RHOH: variants seen among roughly 807,000 people sequenced by gnomAD.
RHOH encodes rho-related GTP-binding protein RhoH.
A neutral mutation model predicts 13.8 loss-of-function variants in RHOH; 6 were observed. The ratio of observed to expected loss-of-function variants is 0.44; its 90% CI spans 0.24 to 0.86. The LOEUF is 0.86. RHOH is among the 40% of genes least tolerant of loss of function. The pLI is 0.24. For missense variants in RHOH, 147 were observed against 244.5 expected, an observed-to-expected ratio of 0.60 and a Z score of 2.66; for synonymous variants, 117 against 103.0, an observed-to-expected ratio of 1.14 and a Z score of -0.82.
intron 1 of RHOH, among the ~76,000 whole-genome samples, chr4:40,226,898 C>T (rs937066924): frequency 6.6e-6 from 1 of 152,150 alleles, no homozygotes; most frequent in Non-Finnish European, 1.5e-5. Flanking sequence ...GTGGCTCACG[C>T]CTGTAATCTC....
chr4:40,241,771 T>A, intron 1 of RHOH, among the ~76,000 whole-genome samples: 1 of 152,052 alleles, frequency 6.6e-6, no homozygotes. Context: ...ACACATGTAG[T>A]CCCAGCTACT....
At chr4:40,201,526 TA>T (rs1723984707) in intron 1 of RHOH, among the ~76,000 whole-genome samples, 2 of 152,368 alleles carry the variant, frequency 1.3e-5, no homozygotes, top group East Asian at 3.9e-4. Context: ...GGAAATGCTA[TA>T]TAATATTGTG....
chr4:40,223,775 T>G (rs868611646), intron 1 of RHOH, among the ~76,000 whole-genome samples: 3,951 of 142,326 alleles, frequency 0.028, 78 homozygotes, highest in Non-Finnish European at 0.043. Context: ...TTGTTTTTTT[T>G]TTTTTTTTTT....
chr4:40,196,651 T>C (rs1723166223), upstream of RHOH, among the ~76,000 whole-genome samples: 1 of 151,870 alleles, frequency 6.6e-6, no homozygotes, highest in Non-Finnish European at 1.5e-5. Flanking sequence ...AAGGTGTTGT[T>C]TCCTAAGCTC....
At chr4:40,220,469 C>G (rs1244922201) in intron 1 of RHOH, among the ~76,000 whole-genome samples, 1 of 152,058 alleles carries the variant, frequency 6.6e-6, no homozygotes, top group Non-Finnish European at 1.5e-5. Context: ...CTCTGAGGTC[C>G]TAGCTATATG....
At chr4:40,198,136 TG>T (rs748908996) in intron 1 of RHOH, among the ~76,000 whole-genome samples, 1 of 152,052 alleles carries the variant, frequency 6.6e-6, no homozygotes, top group Non-Finnish European at 1.5e-5. Flanking sequence ...CAGTGATGAG[TG>T]GGGCAGCACA....
chr4:40,199,203 T>A (rs1723630282), intron 1 of RHOH, among the ~76,000 whole-genome samples: 1 of 152,170 alleles, frequency 6.6e-6, no homozygotes, highest in Non-Finnish European at 1.5e-5. Context: ...TAAAAATATG[T>A]AAAGCATGTA....
rs563313811 is a variant in RHOH, at chr4:40,245,290, C to G, written c.*1328C>G. ...CTGGGTTGGGCAGGGCGTGGTGGCT[C>G]ACTTTGGGAGGCTGAGACGGGTGGA... On this transcript the variant is annotated 3_prime_UTR_variant, in exon 3 of 3. Coordinates refer to ENST00000381799, the MANE Select transcript of RHOH (RefSeq NM_004310.5). 8.5e-5 allele frequency: 13 copies of G among 152,160 alleles called. No homozygotes were observed. Among genetic ancestry groups the G allele is most frequent in the African/African-American group, 3.1e-4 (13 of 41,478 alleles). The allele number at this position is 152,160 out of a possible 1,614,324, so 9.4% of individuals were successfully genotyped here.
chr4:40,221,932 A>G (rs1342716254), intron 1 of RHOH, among the ~76,000 whole-genome samples: 1 of 152,222 alleles, frequency 6.6e-6, no homozygotes, highest in Non-Finnish European at 1.5e-5. Flanking sequence ...GAACACATGA[A>G]TGATAAGGAA....
chr4:40,198,701 A>C (rs1723561635), intron 1 of RHOH, among the ~76,000 whole-genome samples: 1 of 152,134 alleles, frequency 6.6e-6, no homozygotes, highest in South Asian at 2.1e-4. Context: ...TGGTTTCTTC[A>C]TTTTAAGGAG....
chr4:40,195,205 A>C (rs753834096), upstream of RHOH, among the ~76,000 whole-genome samples: 2 of 152,242 alleles, frequency 1.3e-5, no homozygotes, highest in African/African-American at 2.4e-5. Flanking sequence ...AGGTGTAAGT[A>C]TTTTTGCCAG....
At chr4:40,194,656 G>A (rs868772325), upstream of RHOH, among the ~76,000 whole-genome samples, 1 of 152,230 alleles carries the variant, frequency 6.6e-6, no homozygotes, top group Non-Finnish European at 1.5e-5. Flanking sequence ...GATTATAGGC[G>A]TGAGCCACTG....
At chr4:40,193,659 G>C (rs566306412), upstream of RHOH, 1 of 152,634 alleles carries the variant, frequency 6.6e-6, no homozygotes, top group African/African-American at 2.4e-5. Flanking sequence ...ACTGTGTGAA[G>C]ATTAGAGGCG....
At position 40,226,569 on chromosome 4, in the gene RHOH, G is replaced by A. The variant is rs551388654; in HGVS notation, c.-330-16145G>A. ...AAGAAAAAGAAAAAAATATCTAACC[G>A]TGACTGTCAACTCCACAACATGGGC... On this transcript the variant is annotated intron_variant, in intron 1 of 2. Transcript: ENST00000381799. 6.0e-5 allele frequency among the ~76,000 whole-genome samples: 9 copies of A among 151,018 alleles called. No homozygotes were observed. The South Asian group carries it at 6.3e-4, about 11-fold the overall frequency.
At chr4:40,239,657 T>A (rs1319319719) in intron 1 of RHOH, among the ~76,000 whole-genome samples, 6 of 152,100 alleles carry the variant, frequency 3.9e-5, no homozygotes, top group Non-Finnish European at 8.8e-5. Flanking sequence ...GGTGGGCAGA[T>A]CACTTGAGCC....
upstream of RHOH, among the ~76,000 whole-genome samples, chr4:40,195,122 T>C (rs1381973474): frequency 3.3e-5 from 5 of 152,236 alleles, no homozygotes; most frequent in African/African-American, 9.6e-5. Flanking sequence ...CCCCCAGTTT[T>C]AGTGTCATTT....
chr4:40,200,964 T>C (rs1723896005), intron 1 of RHOH, among the ~76,000 whole-genome samples: 1 of 152,252 alleles, frequency 6.6e-6, no homozygotes, highest in Non-Finnish European at 1.5e-5. Flanking sequence ...AAGTTGAACC[T>C]TTCTTATCTC....
intron 1 of RHOH, among the ~76,000 whole-genome samples, chr4:40,216,346 G>A (rs1352223672): frequency 2.6e-5 from 4 of 151,832 alleles, no homozygotes; most frequent in African/African-American, 7.3e-5. Context: ...GCAGGTGCCT[G>A]TAATCCCAGC....
chr4:40,210,091 T>TGTGG (rs1226303318), intron 1 of RHOH, among the ~76,000 whole-genome samples: 1 of 129,352 alleles, frequency 7.7e-6, no homozygotes, highest in Non-Finnish European at 1.6e-5. Context: ...ATTGTGTGCG[T>TGTGG]GTGTGTGTGT....
Sources: allele counts gnomAD v4.1 joint callset (sites outside exome capture counted in the v4.1 genomes callset), GRCh38; gene constraint gnomAD v4.1.1; transcripts MANE v1.5; gene names NCBI Gene and HGNC (gene_info 2026-07-23, HGNC 2026-07-21).